The following MCPH1 variants were observed in gnomAD, a reference collection of about 807,000 sequenced individuals.
MCPH1 encodes microcephalin 1.
In MCPH1, 104 loss-of-function variants were observed where a neutral mutation model predicts 84.5. The ratio of observed to expected loss-of-function variants is 1.23; its 90% CI spans 1.05 to 1.45. The LOEUF (loss-of-function observed/expected upper bound fraction) is 1.45. Among genes scored for constraint, MCPH1 ranks in the 40% most tolerant of loss-of-function variants. The pLI is 0.00. For synonymous variants in MCPH1, 514 were observed against 366.8 expected (o/e 1.40, Z -4.58); for missense variants, 1,498 against 1,005.7 (o/e 1.49, Z -6.62).
intron 1 of MCPH1, among the ~76,000 whole-genome samples, chr8:6,408,737 A>G (rs1047096305): frequency 6.7e-6 from 1 of 149,382 alleles, no homozygotes; most frequent in Non-Finnish European, 1.5e-5. Context: ...TAAAAACAAA[A>G]TTTTTTTTAG....
chr8:6,480,615 G>C (rs1809087163), intron 10 of MCPH1, 99 bp from the exon 11 acceptor site: 25 of 1,356,760 alleles, frequency 1.8e-5, no homozygotes, highest in East Asian at 4.6e-5. Context: ...TCAAATTTTG[G>C]CTTTCTAGTT....
intron 12 of MCPH1, chr8:6,514,819 C>G (rs779579363): frequency 5.1e-6 from 8 of 1,557,588 alleles, no homozygotes; most frequent in East Asian, 2.2e-5. Flanking sequence ...AGAGCCCCCC[C>G]ACTCCCCCCT....
rs115299416 is a variant in MCPH1 at position 6,480,584 on chromosome 8, G to A, written c.1974-130G>A. On this transcript the variant is annotated intron_variant, in intron 10 of 13. Coordinates refer to ENST00000344683, the MANE Select transcript of MCPH1 (RefSeq NM_024596.5). The stretch of plus-strand genomic sequence containing the variant: ...TGATTATAAGTCAGTTAAGATATAC[G>A]TACCATAACCAAAATCAGTTTCAAA... The A allele has an allele frequency of 1.7e-3, 1,597 of 920,554 alleles. 21 individuals are homozygous for A. In the African/African-American group the frequency reaches 0.023, roughly 13 times the overall value. The allele number at this position is 920,554 out of a possible 1,614,324, so 57.0% of individuals were successfully genotyped here. A position where few individuals can be genotyped will look rare whatever the true frequency, so the allele number is the denominator to read the frequency against.
At chr8:6,441,306 G>C (rs1803477569) in intron 6 of MCPH1, among the ~76,000 whole-genome samples, 1 of 152,212 alleles carries the variant, frequency 6.6e-6, no homozygotes, top group African/African-American at 2.4e-5. Context: ...TTACTTGGCA[G>C]TGTTAATTCT....
chr8:6,567,698 G>A (rs1454627133), intron 12 of MCPH1, among the ~76,000 whole-genome samples: 1 of 152,068 alleles, frequency 6.6e-6, no homozygotes, highest in Admixed American at 6.5e-5. Context: ...TGGAGTTGTG[G>A]GTGTCCAGTA....
intron 12 of MCPH1, chr8:6,616,314 G>T (rs1252451299): frequency 6.6e-6 from 1 of 152,210 alleles, no homozygotes; most frequent in Non-Finnish European, 1.5e-5. Flanking sequence ...CCCTGGGCTG[G>T]AGTAAATGAA....
At chr8:6,497,632 A>AT (rs1233022069) in intron 11 of MCPH1, among the ~76,000 whole-genome samples, 1 of 152,226 alleles carries the variant, frequency 6.6e-6, no homozygotes, top group African/African-American at 2.4e-5. Context: ...TTGGGTGATA[A>AT]TGATGTGTGA....
chr8:6,520,055 C>T (rs1817022013), intron 12 of MCPH1: 5 of 1,574,432 alleles, frequency 3.2e-6, no homozygotes, highest in East Asian at 2.3e-5. Flanking sequence ...CTTGTTATTT[C>T]AAGAGCCAAT....
intron 11 of MCPH1, among the ~76,000 whole-genome samples, chr8:6,492,519 T>C (rs1314367001): frequency 6.6e-6 from 1 of 151,838 alleles, no homozygotes; most frequent in Non-Finnish European, 1.5e-5. Context: ...TGCCATTGCA[T>C]TTGGTGTTTT....
intron 9 of MCPH1, among the ~76,000 whole-genome samples, chr8:6,463,714 T>C (rs1262751566): frequency 6.6e-6 from 1 of 152,196 alleles, no homozygotes. Context: ...GAAAATAGAA[T>C]ACTTGAGCCA....
intron 12 of MCPH1, among the ~76,000 whole-genome samples, chr8:6,553,307 G>T (rs143347763): frequency 6.6e-6 from 1 of 152,088 alleles, no homozygotes; most frequent in Admixed American, 6.5e-5. Flanking sequence ...CATATGAAAA[G>T]GAACAAGTAA....
At chr8:6,464,883 C>T (rs190016999) in intron 9 of MCPH1, among the ~76,000 whole-genome samples, 109 of 152,204 alleles carry the variant, frequency 7.2e-4, no homozygotes, top group African/African-American at 2.5e-3. Flanking sequence ...CCTGTAGTCC[C>T]AGCTACTCGG....
intron 3 of MCPH1, among the ~76,000 whole-genome samples, chr8:6,424,836 C>T (rs1240960073): frequency 2.6e-5 from 4 of 152,250 alleles, no homozygotes; most frequent in Non-Finnish European, 4.4e-5. Context: ...CTCCTGTGTT[C>T]TTCCTTGTGT....
intron 12 of MCPH1, among the ~76,000 whole-genome samples, chr8:6,513,335 C>CTTTT (rs1189719867): frequency 1.4e-5 from 2 of 143,228 alleles, no homozygotes; most frequent in East Asian, 2.1e-4. Flanking sequence ...TTTTCTTTTT[C>CTTTT]TTTTTTTTTT....
In MCPH1 at chr8:6,647,295, G is replaced by T. The variant is rs990005201; in HGVS notation, c.*4246G>T. On this transcript the variant is annotated 3_prime_UTR_variant, in exon 14 of 14. Transcript: ENST00000344683. ...AATTCCAACATCTGACCAAGATATG[G>T]AGAAACTAGAACTCTCCTACATTGC... 6.6e-6 allele frequency: 1 copy of T among 152,178 alleles called. No homozygotes were observed. Among genetic ancestry groups the T allele is most frequent in the Admixed American group, 6.5e-5 (1 of 15,280 alleles). The allele number at this position is 152,178 out of a possible 1,614,324, so 9.4% of individuals were successfully genotyped here.
chr8:6,416,083 T>G (rs1241039171), intron 3 of MCPH1, among the ~76,000 whole-genome samples: 2 of 152,238 alleles, frequency 1.3e-5, no homozygotes. Flanking sequence ...TTAATTTTTT[T>G]AAGTTGTTAG....
At chr8:6,575,159 C>G (rs144014883) in intron 12 of MCPH1, among the ~76,000 whole-genome samples, 1 of 152,158 alleles carries the variant, frequency 6.6e-6, no homozygotes, top group Non-Finnish European at 1.5e-5. Flanking sequence ...GGTCTGAGCT[C>G]AAGAGAGCCA....
chr8:6,483,007 T>A (rs559256244), intron 11 of MCPH1, among the ~76,000 whole-genome samples: 1 of 152,260 alleles, frequency 6.6e-6, no homozygotes, highest in South Asian at 2.1e-4. Context: ...CACACAATTT[T>A]CTATGTAGAC....
At chr8:6,416,920 G>T (rs9692902) in intron 3 of MCPH1, among the ~76,000 whole-genome samples, 39,063 of 151,708 alleles carry the variant, frequency 0.26, 5,906 homozygotes, top group African/African-American at 0.43. Context: ...CTTGAACCTG[G>T]GAGACGGAGG....
Sources: gnomAD v4.1 joint callset for allele counts (sites outside exome capture counted in the v4.1 genomes callset) on GRCh38, gnomAD v4.1.1 for gene constraint, MANE v1.5 for transcripts, NCBI Gene and HGNC (gene_info 2026-07-23, HGNC 2026-07-21) for gene names.